TLK2: variants seen among roughly 807,000 people sequenced by gnomAD.
TLK2 encodes serine/threonine-protein kinase tousled-like 2.
Under a neutral mutation model 117.3 loss-of-function variants are expected in TLK2, and 6 were observed. That is an observed-to-expected ratio of 0.05 (90% CI 0.03 to 0.10). The LOEUF is 0.10. Among genes scored for constraint, TLK2 ranks in the 10% least tolerant of loss-of-function variants. The pLI, the probability that TLK2 is intolerant of heterozygous loss-of-function variation, is 1.00. For missense variants in TLK2, 299 were observed against 901.2 expected, an observed-to-expected ratio of 0.33 and a Z score of 8.56; for synonymous variants, 257 against 316.7, an observed-to-expected ratio of 0.81 and a Z score of 2.00.
At chr17:62,487,031 C>T (rs1303239139) in intron 2 of TLK2, among the ~76,000 whole-genome samples, 1 of 152,162 alleles carries the variant, frequency 6.6e-6, no homozygotes, top group Non-Finnish European at 1.5e-5. Context: ...CAGTGGCTTA[C>T]GCCTGTAATC....
At position 62,600,798 on chromosome 17, in the gene TLK2, C is replaced by T; in HGVS notation, c.1698C>T (p.Ile566=). 1 of 1,612,304 alleles carries T rather than the reference C, an allele frequency of 6.2e-7. No homozygotes were observed. Among genetic ancestry groups the T allele is most frequent in the South Asian group, 1.1e-5 (1 of 90,572 alleles). ...ACTTAAATGAAATAAAACCTCCCAT[C>T]ATACACTATGACCTCAAACCAGGTA... ...LKYLNEIKPP[I]IHYDLKPGNI... The change falls in exon 18 of 22, where the codon ATC becomes ATT. Residue 566 remains isoleucine (I), a synonymous_variant. Transcript: ENST00000346027.
chr17:62,538,856 G>T (rs1360035495), intron 7 of TLK2, among the ~76,000 whole-genome samples: 1 of 152,178 alleles, frequency 6.6e-6, no homozygotes, highest in Non-Finnish European at 1.5e-5. Flanking sequence ...AATAGTAAAA[G>T]GGTTAGTATT....
At chr17:62,524,753 G>C (rs1450854092) in intron 6 of TLK2, among the ~76,000 whole-genome samples, 1 of 152,140 alleles carries the variant, frequency 6.6e-6, no homozygotes, top group Non-Finnish European at 1.5e-5. Flanking sequence ...ATTTGTGATA[G>C]GTATGTTTCC....
chr17:62,553,445 T>A (rs760398163), intron 8 of TLK2: 16 of 502,506 alleles, frequency 3.2e-5, no homozygotes, highest in Non-Finnish European at 5.5e-5. Flanking sequence ...AATTAACATG[T>A]GTTTGAAGTG....
intron 6 of TLK2, among the ~76,000 whole-genome samples, chr17:62,531,377 T>G (rs536767854): frequency 6.6e-6 from 1 of 152,230 alleles, no homozygotes; most frequent in East Asian, 1.9e-4. Context: ...TCTATTGAAT[T>G]GGTTACTGCC....
chr17:62,510,102 C>G (rs771782671), intron 2 of TLK2, among the ~76,000 whole-genome samples: 26 of 152,146 alleles, frequency 1.7e-4, no homozygotes, highest in Non-Finnish European at 2.6e-4. Flanking sequence ...GGTGAAACCC[C>G]GTCTCTACAT....
intron 7 of TLK2, among the ~76,000 whole-genome samples, chr17:62,548,426 C>T (rs1490424710): frequency 6.6e-6 from 1 of 151,802 alleles, no homozygotes; most frequent in African/African-American, 2.4e-5. Flanking sequence ...GGACTACAGG[C>T]ACGCACCACC....
chr17:62,483,752 C>T (rs1322267843), intron 2 of TLK2, among the ~76,000 whole-genome samples: 1 of 152,188 alleles, frequency 6.6e-6, no homozygotes, highest in African/African-American at 2.4e-5. Context: ...ATCCACCTGC[C>T]TCTGCCTCCC....
chr17:62,541,266 C>T (rs2077513759), intron 7 of TLK2, among the ~76,000 whole-genome samples: 1 of 152,140 alleles, frequency 6.6e-6, no homozygotes. Flanking sequence ...TCTGACTTCC[C>T]CCCACTGGAA....
At chr17:62,519,177 T>C (rs1193550118) in intron 2 of TLK2, among the ~76,000 whole-genome samples, 1 of 152,128 alleles carries the variant, frequency 6.6e-6, no homozygotes, top group East Asian at 1.9e-4. Context: ...GAGCCACTGC[T>C]CCCAGCCTGT....
rs941519910 is a variant in TLK2, at chr17:62,539,478, T to G, written c.531+3141T>G. Among the ~76,000 whole-genome samples the G allele has an allele frequency of 3.3e-5, 5 of 149,964 alleles. No individual in the cohort carries two copies. In the East Asian group the frequency reaches 9.7e-4, roughly 29 times the overall value. On this transcript the variant is annotated intron_variant, in intron 7 of 21. Transcript: ENST00000346027. ...TTTCTTCTTAACCTCCCTCTCTTTT[T>G]TTTTTTTTTTTTTTCAATTGAGACA...
chr17:62,511,379 C>T (rs952874125), intron 2 of TLK2, among the ~76,000 whole-genome samples: 4 of 152,006 alleles, frequency 2.6e-5, no homozygotes, highest in Admixed American at 2.6e-4. Context: ...AGTACACAAC[C>T]TTTTATTTTG....
In TLK2 at chr17:62,602,032, T is replaced by A; in HGVS notation, c.1721-10T>A. On this transcript the variant is annotated splice_polypyrimidine_tract_variant and intron_variant, in intron 18 of 21. Transcript: ENST00000346027. The stretch of plus-strand genomic sequence containing the variant: ...GTCTCTGCTTATTCATGAAGGTTTT[T>A]ATTTTTTAGGTAATATTCTTTTAGT... The A allele has an allele frequency of 6.2e-7, 1 of 1,607,510 alleles. No homozygotes were observed. Among genetic ancestry groups the A allele is most frequent in the Non-Finnish European group, 8.5e-7 (1 of 1,178,160 alleles).
intron 11 of TLK2, among the ~76,000 whole-genome samples, chr17:62,568,855 C>T (rs965767475): frequency 2.0e-5 from 3 of 151,992 alleles, no homozygotes; most frequent in African/African-American, 7.2e-5. Context: ...AACCAGTATC[C>T]GTTTTAAAGC....
intron 16 of TLK2, among the ~76,000 whole-genome samples, chr17:62,589,870 G>A (rs937446800): frequency 6.6e-6 from 1 of 151,860 alleles, no homozygotes; most frequent in South Asian, 2.1e-4. Context: ...GCAGTGGCGC[G>A]ATCTCCACTC....
At chr17:62,550,789 T>A (rs1485867808) in intron 7 of TLK2, 1 of 152,252 alleles carries the variant, frequency 6.6e-6, no homozygotes, top group Non-Finnish European at 1.5e-5. Context: ...TCTCTGATTT[T>A]TATTTTATTT....
At chr17:62,525,840 A>G (rs1327600514) in intron 6 of TLK2, among the ~76,000 whole-genome samples, 2 of 152,228 alleles carry the variant, frequency 1.3e-5, no homozygotes, top group Non-Finnish European at 2.9e-5. Flanking sequence ...ACTGTTGAAG[A>G]GGCCTGTGTC....
chr17:62,474,475 T>C (rs1292644199), upstream of TLK2, among the ~76,000 whole-genome samples: 1 of 151,564 alleles, frequency 6.6e-6, no homozygotes, highest in South Asian at 2.1e-4. Context: ...AGTGGTGCGG[T>C]CTCGGCTTAC....
At chr17:62,490,892 G>A (rs1338967869) in intron 2 of TLK2, among the ~76,000 whole-genome samples, 2 of 152,118 alleles carry the variant, frequency 1.3e-5, no homozygotes, top group African/African-American at 4.8e-5. Context: ...ACTTCAAATT[G>A]AAATCATTTT....
Sources: gnomAD v4.1 joint callset for allele counts (sites outside exome capture counted in the v4.1 genomes callset) on GRCh38, gnomAD v4.1.1 for gene constraint, MANE v1.5 for transcripts, NCBI Gene and HGNC (gene_info 2026-07-23, HGNC 2026-07-21) for gene names.